Variants in TNRC6C observed in about 807,000 individuals in gnomAD.
TNRC6C encodes the protein trinucleotide repeat containing adaptor 6C.
TNRC6C carries 20 observed loss-of-function variants against 153.7 expected under a neutral mutation model. That is an observed-to-expected ratio of 0.13 (90% CI 0.09 to 0.19). TNRC6C has a LOEUF of 0.19. TNRC6C is among the 10% of genes least tolerant of loss of function. TNRC6C has a pLI of 1.00. For synonymous variants in TNRC6C, 811 were observed against 841.4 expected (o/e 0.96, Z 0.63); for missense variants, 1,987 against 2,172.0 (o/e 0.91, Z 1.69).
intron 1 of TNRC6C, among the ~76,000 whole-genome samples, chr17:78,011,411 C>T (rs2071628396): frequency 6.6e-6 from 1 of 152,174 alleles, no homozygotes; most frequent in South Asian, 2.1e-4. Flanking sequence ...GTTTTTATTT[C>T]TAGAACATTG....
intron 5 of TNRC6C, among the ~76,000 whole-genome samples, chr17:78,068,224 A>C (rs1196209175): frequency 6.6e-6 from 1 of 152,264 alleles, no homozygotes; most frequent in Admixed American, 6.5e-5. Flanking sequence ...ATTTCTCTTA[A>C]GCCAGACATA....
chr17:78,038,566 C>T (rs1391354430), intron 2 of TNRC6C, among the ~76,000 whole-genome samples: 1 of 151,344 alleles, frequency 6.6e-6, no homozygotes, highest in African/African-American at 2.4e-5. Flanking sequence ...GTAGTCCCAG[C>T]TACTCGGGAG....
intron 1 of TNRC6C, among the ~76,000 whole-genome samples, chr17:78,024,114 CAAAA>C (rs1165667465): frequency 2.0e-5 from 3 of 151,892 alleles, no homozygotes; most frequent in Non-Finnish European, 2.9e-5. Flanking sequence ...AAAGCAAAAA[CAAAA>C]AAACCTTTTG....
At chr17:78,020,966 C>T (rs2071820970) in intron 1 of TNRC6C, among the ~76,000 whole-genome samples, 1 of 152,222 alleles carries the variant, frequency 6.6e-6, no homozygotes. Context: ...TTTATTTCCC[C>T]AGTTCATTGT....
upstream of TNRC6C, among the ~76,000 whole-genome samples, chr17:78,003,317 G>T (rs1249161082): frequency 6.6e-6 from 1 of 152,172 alleles, no homozygotes. Flanking sequence ...TTTCAGATCA[G>T]AGAGTATCTA....
rs1306257480 is a variant in TNRC6C, at chr17:78,102,589, G to A, written c.4572+45G>A. On this transcript the variant is annotated intron_variant, in intron 18 of 19. Transcript: ENST00000301624. ...CATCACTGAGCATGATCCAGGGAGG[G>A]TTCCCGCTTGGCCCCCAATGCAGAT... is the stretch of plus-strand genomic sequence containing the variant. 3 of 1,554,508 alleles carry A rather than the reference G, an allele frequency of 1.9e-6. No individual in the cohort carries two copies. In the South Asian group the frequency reaches 3.6e-5, roughly 18 times the overall value.
intron 8 of TNRC6C, among the ~76,000 whole-genome samples, chr17:78,076,194 C>T (rs916360441): frequency 1.2e-4 from 18 of 145,898 alleles, no homozygotes; most frequent in Non-Finnish European, 2.5e-4. Flanking sequence ...CCAGCCTGGA[C>T]GAGAGAGCGA....
rs537877893 is a variant in TNRC6C at position 77,980,942 on chromosome 17, C to T, written c.-38+21674C>T. Among the ~76,000 whole-genome samples the T allele has an allele frequency of 3.3e-5, 5 of 152,222 alleles. No homozygotes were observed. In the South Asian group the frequency reaches 1.0e-3, roughly 32 times the overall value. On this transcript the variant is annotated intron_variant, in intron 1 of 22. Transcript: ENST00000636222. ...TCGGGCATTTGGAAGCTCTCCAAAC[C>T]CAATCCTTTTGGGTTTGTTTTGTTT...
In TNRC6C at chr17:78,031,120, AAG is replaced by A. The variant is rs542865953; in HGVS notation, c.-545-394_-545-393del. ...TGTCTCACACTTAAAAAAAAAAAGA[AAG>A]AAAGAAATGCATATTCCCAGTTTCT... is the stretch of plus-strand genomic sequence containing the variant. On this transcript the variant is annotated intron_variant, in intron 1 of 19. Transcript: ENST00000301624. 2.5e-3 allele frequency among the ~76,000 whole-genome samples: 374 copies of A among 152,120 alleles called. 2 individuals are homozygous for A. Among genetic ancestry groups the A allele is most frequent in the African/African-American group, 8.6e-3 (357 of 41,500 alleles).
chr17:78,047,456 A>G (rs1351604226), intron 2 of TNRC6C, among the ~76,000 whole-genome samples: 1 of 152,156 alleles, frequency 6.6e-6, no homozygotes, highest in African/African-American at 2.4e-5. Context: ...CTAGAGCATA[A>G]TTCTAAAATC....
In TNRC6C at chr17:77,985,601, C is replaced by CAAAAAAAAAAAAAAAAAAAA. The variant is rs1229331703; in HGVS notation, c.-37-18554_-37-18553insAAAAAAAAAAAAAAAAAAAA. Among the ~76,000 whole-genome samples the CAAAAAAAAAAAAAAAAAAAA allele has an allele frequency of 4.9e-4, 47 of 96,204 alleles. 1 individual carries two copies. Among genetic ancestry groups the CAAAAAAAAAAAAAAAAAAAA allele is most frequent in the African/African-American group, 1.8e-3 (42 of 23,768 alleles). The allele number at this position is 96,204 out of a possible 152,430, so 63.1% of individuals were successfully genotyped here. A position where few individuals can be genotyped will look rare whatever the true frequency, so the allele number is the denominator to read the frequency against. On this transcript the variant is annotated intron_variant, in intron 1 of 22. Coordinates refer to the TNRC6C transcript ENST00000636222. ...TGGGCAACAGAGCGAGACTCCGTCTCAAAAAAAAAAAAAAACCAGCAACTG... is the reference window on the plus strand; with the variant it reads ...TGGGCAACAGAGCGAGACTCCGTCTCAAAAAAAAAAAAAAAAAAAAAAAAAAAAAAAAAAACCAGCAACTG...
rs557481274 is a variant in TNRC6C, at chr17:78,073,653, G to A, written c.2917+559G>A. 9.2e-5 allele frequency among the ~76,000 whole-genome samples: 14 copies of A among 152,200 alleles called. 2 individuals are homozygous for A. Among genetic ancestry groups the A allele is most frequent in the African/African-American group, 2.4e-4 (10 of 41,518 alleles). On this transcript the variant is annotated intron_variant, in intron 7 of 19. Transcript: ENST00000301624. Reference sequence around the variant, plus strand: ...CACAAACACTGAATTAACGAATACCGAACCAGTGCTCCTAGGAGACATACA... The same window carrying A: ...CACAAACACTGAATTAACGAATACCAAACCAGTGCTCCTAGGAGACATACA...
upstream of TNRC6C, among the ~76,000 whole-genome samples, chr17:78,002,634 T>C (rs930607397): frequency 6.6e-6 from 1 of 152,228 alleles, no homozygotes; most frequent in Admixed American, 6.5e-5. Flanking sequence ...GGCCCACACC[T>C]GTAATCCCAG....
chr17:78,096,563 A>G (rs2073490527), intron 16 of TNRC6C, among the ~76,000 whole-genome samples: 4 of 152,244 alleles, frequency 2.6e-5, no homozygotes, highest in Non-Finnish European at 1.5e-5. Context: ...CGTGTCCAGG[A>G]GGTGCCACAC....
At chr17:78,059,425 C>T (rs1776789704) in intron 3 of TNRC6C, among the ~76,000 whole-genome samples, 4 of 152,198 alleles carry the variant, frequency 2.6e-5, no homozygotes. Flanking sequence ...AGTTGGGAGC[C>T]TGCTACGGAA....
intron 8 of TNRC6C, among the ~76,000 whole-genome samples, chr17:78,076,616 T>G (rs772850777): frequency 2.6e-5 from 4 of 152,200 alleles, no homozygotes; most frequent in Non-Finnish European, 4.4e-5. Context: ...ATTTAAAATA[T>G]GGAATAATGC....
At chr17:77,958,788 C>T (rs1157233020), upstream of TNRC6C, among the ~76,000 whole-genome samples, 2 of 149,142 alleles carry the variant, frequency 1.3e-5, no homozygotes, top group Non-Finnish European at 3.0e-5. Flanking sequence ...GCCGGCCCCG[C>T]CGCCGCGCAG....
At chr17:77,958,863 C>T (rs2070835171), upstream of TNRC6C, among the ~76,000 whole-genome samples, 1 of 147,118 alleles carries the variant, frequency 6.8e-6, no homozygotes, top group Admixed American at 6.7e-5. Flanking sequence ...CTCCCGCCGC[C>T]GTCACCGTCG....
chr17:78,005,040 C>T (rs1394192580), upstream of TNRC6C: 4 of 1,207,942 alleles, frequency 3.3e-6, no homozygotes, highest in African/African-American at 1.6e-5. Context: ...TTCTTTCTCT[C>T]TCTTTTTTTT....
Sources: allele counts gnomAD v4.1 joint callset (sites outside exome capture counted in the v4.1 genomes callset), GRCh38; gene constraint gnomAD v4.1.1; transcripts MANE v1.5; gene names NCBI Gene and HGNC (gene_info 2026-07-23, HGNC 2026-07-21).